The following VPS8 variants were observed in gnomAD, a reference collection of about 807,000 sequenced individuals.
The protein encoded by VPS8 is VPS8 subunit of CORVET complex.
In VPS8, 129 loss-of-function variants were observed where a neutral mutation model predicts 216.4. The observed-to-expected ratio is 0.60, with a 90% CI of 0.52 to 0.69. The LOEUF is 0.69. VPS8 is among the 30% of genes least tolerant of loss of function. VPS8 has a pLI of 0.00. For synonymous variants in VPS8, 571 were observed against 565.4 expected, an observed-to-expected ratio of 1.01 and a Z score of -0.14; for missense variants, 1,531 against 1,683.5, an observed-to-expected ratio of 0.91 and a Z score of 1.59.
At chr3:185,050,223 G>C (rs11918442) in intron 47 of VPS8, among the ~76,000 whole-genome samples, 1 of 150,868 alleles carries the variant, frequency 6.6e-6, no homozygotes, top group Non-Finnish European at 1.5e-5. Flanking sequence ...TCAAGGCATC[G>C]TACATAACAG....
intron 5 of VPS8, 82 bp downstream of exon 5, chr3:184,834,824 C>A: frequency 9.1e-7 from 1 of 1,098,502 alleles, no homozygotes; most frequent in Non-Finnish European, 1.3e-6. Context: ...CAAAATACAG[C>A]ACTTCTCTTG....
chr3:184,983,239 A>G, intron 42 of VPS8, 145 bp downstream of exon 42: 1 of 632,838 alleles, frequency 1.6e-6, no homozygotes, highest in Non-Finnish European at 2.5e-6. Context: ...CTAAATATCT[A>G]ACTTCCGACC....
chr3:184,929,660 G>A lies in VPS8; in HGVS notation c.2795G>A (p.Arg932Gln), dbSNP rs750810830. Residue 932 changes from arginine to glutamine, a missense_variant, in exon 33 of 48, where the codon CGA (arginine) becomes CAA (glutamine). Transcript: ENST00000625842. ...IIDCYLRDPL[R>Q]EEEVFNYIHN... ...GATTGCTACTTACGTGACCCTCTGC[G>A]AGAGGTGAGTCAAGATACTGCTTTA... 5.3e-6 allele frequency: 8 copies of A among 1,501,022 alleles called. No homozygotes were observed. Among genetic ancestry groups the A allele is most frequent in the East Asian group, 5.1e-5 (2 of 39,006 alleles). 93.0% of individuals were successfully genotyped at this position (1,501,022 alleles called of 1,614,324 possible). A position where few individuals can be genotyped will look rare whatever the true frequency, so the allele number is the denominator to read the frequency against.
chr3:185,028,616 A>G (rs1481133160), intron 46 of VPS8, among the ~76,000 whole-genome samples: 1 of 152,228 alleles, frequency 6.6e-6, no homozygotes, highest in African/African-American at 2.4e-5. Context: ...GGCTGTGTTA[A>G]TGGAGTAAAG....
intron 9 of VPS8, chr3:184,849,613 A>G (rs747500979): frequency 1.3e-5 from 4 of 300,546 alleles, no homozygotes; most frequent in Non-Finnish European, 2.4e-5. Context: ...ATCACTAGCT[A>G]GTTTGGCAGT....
At chr3:185,046,536 C>G (rs1577278248) in intron 46 of VPS8, among the ~76,000 whole-genome samples, 1 of 152,254 alleles carries the variant, frequency 6.6e-6, no homozygotes, top group South Asian at 2.1e-4. Flanking sequence ...GTGACCTCCT[C>G]AGGTTATACA....
At chr3:184,923,060 A>T (rs1738929535) in intron 29 of VPS8, among the ~76,000 whole-genome samples, 1 of 152,186 alleles carries the variant, frequency 6.6e-6, no homozygotes, top group Admixed American at 6.5e-5. Flanking sequence ...GACTAAAAGC[A>T]GAAAGGGCAA....
At chr3:185,027,694 A>G (rs948047320) in intron 46 of VPS8, among the ~76,000 whole-genome samples, 3 of 152,126 alleles carry the variant, frequency 2.0e-5, no homozygotes, top group African/African-American at 7.2e-5. Flanking sequence ...TCTGCAACCT[A>G]TTTTTCAAAC....
At chr3:184,901,135 A>G (rs1380269250) in intron 25 of VPS8, 163 bp downstream of exon 25, 3 of 651,308 alleles carry the variant, frequency 4.6e-6, no homozygotes, top group Non-Finnish European at 5.2e-6. Flanking sequence ...ATAGCTTCTC[A>G]CACTAAAAAG....
At chr3:185,027,235 C>CTTTTTTTTTTTT (rs893256183) in intron 46 of VPS8, among the ~76,000 whole-genome samples, 14 of 87,722 alleles carry the variant, frequency 1.6e-4, no homozygotes, top group African/African-American at 2.8e-4. Flanking sequence ...TTTTTATGTT[C>CTTTTTTTTTTTT]TTTTTTTTTT....
chr3:185,033,627 G>T (rs1415147548), intron 46 of VPS8, among the ~76,000 whole-genome samples: 1 of 152,224 alleles, frequency 6.6e-6, no homozygotes, highest in African/African-American at 2.4e-5. Context: ...CAACTCATTT[G>T]TGTAAATACC....
At chr3:185,010,547 C>G (rs1754868355) in intron 45 of VPS8, among the ~76,000 whole-genome samples, 1 of 152,014 alleles carries the variant, frequency 6.6e-6, no homozygotes, top group Non-Finnish European at 1.5e-5. Context: ...ATGGAAGTTA[C>G]AAAGAACCAG....
intron 10 of VPS8, among the ~76,000 whole-genome samples, chr3:184,850,477 G>GA (rs998758692): frequency 3.9e-5 from 6 of 152,096 alleles, no homozygotes; most frequent in African/African-American, 7.2e-5. Context: ...CACAGATCGT[G>GA]AAAAAACCAA....
At chr3:184,870,961 A>G (rs1728231947) in intron 21 of VPS8, among the ~76,000 whole-genome samples, 156 bp downstream of exon 21, 1 of 152,168 alleles carries the variant, frequency 6.6e-6, no homozygotes, top group South Asian at 2.1e-4. Context: ...AAATGATTAT[A>G]TTTTTAAGTA....
At chr3:185,039,067 T>C (rs549239198) in intron 46 of VPS8, among the ~76,000 whole-genome samples, 1 of 152,314 alleles carries the variant, frequency 6.6e-6, no homozygotes, top group Non-Finnish European at 1.5e-5. Flanking sequence ...AACTGTGATC[T>C]TGGGATAAAG....
chr3:185,051,419 G>C (rs1490044585), intron 47 of VPS8, among the ~76,000 whole-genome samples: 1 of 152,144 alleles, frequency 6.6e-6, no homozygotes, highest in Admixed American at 6.5e-5. Context: ...GTCAGAGCCA[G>C]TGGTCATAAT....
intron 7 of VPS8, among the ~76,000 whole-genome samples, chr3:184,841,547 A>G (rs780748851): frequency 1.3e-5 from 2 of 152,132 alleles, no homozygotes; most frequent in Non-Finnish European, 2.9e-5. Flanking sequence ...TGTGTCCATG[A>G]TTACTTTTTT....
At chr3:184,911,269 C>T (rs936058897) in intron 25 of VPS8, among the ~76,000 whole-genome samples, 6 of 152,184 alleles carry the variant, frequency 3.9e-5, no homozygotes, top group African/African-American at 1.4e-4. Flanking sequence ...ATACTCTGCT[C>T]ATAAGAGGCT....
At chr3:184,893,889 T>C (rs1219751515) in intron 22 of VPS8, among the ~76,000 whole-genome samples, 2 of 152,212 alleles carry the variant, frequency 1.3e-5, no homozygotes, top group Non-Finnish European at 2.9e-5. Context: ...GACAAAATGG[T>C]AATTTTGAAG....
Sources: gnomAD v4.1 joint callset for allele counts (sites outside exome capture counted in the v4.1 genomes callset) on GRCh38, gnomAD v4.1.1 for gene constraint, MANE v1.5 for transcripts, NCBI Gene and HGNC (gene_info 2026-07-23, HGNC 2026-07-21) for gene names.